The following SLCO4C1 variants were observed in gnomAD, a reference collection of about 807,000 sequenced individuals.
The protein encoded by SLCO4C1 is solute carrier organic anion transporter family member 4C1.
Under a neutral mutation model 72.1 loss-of-function variants are expected in SLCO4C1, and 58 were observed. The observed-to-expected ratio is 0.80, with a 90% CI of 0.65 to 1.00. SLCO4C1 has a LOEUF of 1.00. Ranked by LOEUF, SLCO4C1 falls within the 50% of genes least tolerant of loss-of-function variation. The pLI is 0.00. For synonymous variants in SLCO4C1, 297 were observed against 312.5 expected, an observed-to-expected ratio of 0.95 and a Z score of 0.52; for missense variants, 898 against 857.9, an observed-to-expected ratio of 1.05 and a Z score of -0.58.
chr5:102,291,485 A>C lies in SLCO4C1; in HGVS notation c.477T>G (p.Ser159=), dbSNP rs772832417. ...TTTCACCAAAGAATGATACAAATAA[A>C]GACAACAAACAGAATGAAATATCGT... ...SSYDISFCLL[S]LFVSFFGERG... The change falls in exon 2 of 13, where the codon TCT becomes TCG. Residue 159 remains serine (S), a synonymous_variant. Transcript: ENST00000310954. The C allele has an allele frequency of 1.2e-6, 2 of 1,614,078 alleles. No homozygotes were observed. The highest frequency in any genetic ancestry group is 2.7e-5 in the African/African-American group (2 of 74,942).
chr5:102,244,310 A>C (rs1322002882), intron 10 of SLCO4C1, among the ~76,000 whole-genome samples: 1 of 152,222 alleles, frequency 6.6e-6, no homozygotes, highest in Admixed American at 6.5e-5. Context: ...AGTGAGACTG[A>C]AAACAAGCTT....
At chr5:102,248,535 T>C (rs749290625) in intron 9 of SLCO4C1, among the ~76,000 whole-genome samples, 1 of 152,154 alleles carries the variant, frequency 6.6e-6, no homozygotes, top group Non-Finnish European at 1.5e-5. Context: ...GTTGTTCCCT[T>C]GTGCAGGATG....
At chr5:102,240,587 G>C in intron 11 of SLCO4C1, 131 bp downstream of exon 11, 5 of 677,958 alleles carry the variant, frequency 7.4e-6, no homozygotes, top group Non-Finnish European at 1.3e-5. Context: ...TTGGAAAATG[G>C]CTTCCTTCAA....
chr5:102,274,052 T>A (rs998862952), intron 2 of SLCO4C1, among the ~76,000 whole-genome samples: 2 of 152,090 alleles, frequency 1.3e-5, no homozygotes, highest in African/African-American at 4.8e-5. Context: ...TACATAGCAT[T>A]TACACGACAT....
chr5:102,291,695 T>C, intron 1 of SLCO4C1, 89 bp from the exon 2 acceptor site: 4 of 1,156,626 alleles, frequency 3.5e-6, no homozygotes, highest in Non-Finnish European at 4.6e-6. Context: ...TGATTATTCA[T>C]TTCTTTTTTT....
chr5:102,242,981 G>A (rs1260239332), intron 10 of SLCO4C1, among the ~76,000 whole-genome samples: 2 of 152,134 alleles, frequency 1.3e-5, no homozygotes, highest in African/African-American at 4.8e-5. Context: ...TGCCCTGAAG[G>A]GTGAGTCCCA....
At chr5:102,284,248 G>C (rs1749408318) in intron 2 of SLCO4C1, among the ~76,000 whole-genome samples, 1 of 152,040 alleles carries the variant, frequency 6.6e-6, no homozygotes, top group South Asian at 2.1e-4. Context: ...GTCTTCTGTG[G>C]AAGGACAAGG....
At chr5:102,278,928 C>A in intron 2 of SLCO4C1, among the ~76,000 whole-genome samples, 1 of 150,054 alleles carries the variant, frequency 6.7e-6, no homozygotes, top group South Asian at 2.2e-4. Flanking sequence ...TTCCATGTCA[C>A]CCACCTAGAG....
At chr5:102,272,985 A>G (rs1749181341) in intron 2 of SLCO4C1, among the ~76,000 whole-genome samples, 1 of 126,698 alleles carries the variant, frequency 7.9e-6, no homozygotes, top group South Asian at 2.5e-4. Flanking sequence ...AGTGAAATAG[A>G]GAAAGAAAAG....
At chr5:102,279,724 T>C (rs1056070819) in intron 2 of SLCO4C1, among the ~76,000 whole-genome samples, 9 of 151,966 alleles carry the variant, frequency 5.9e-5, no homozygotes, top group African/African-American at 1.9e-4. Flanking sequence ...TTGTACACCA[T>C]TGCCAGGTGA....
chr5:102,291,177 C>T (rs1041355451), intron 2 of SLCO4C1, among the ~76,000 whole-genome samples, 166 bp downstream of exon 2: 4 of 152,200 alleles, frequency 2.6e-5, no homozygotes, highest in African/African-American at 9.6e-5. Context: ...TGTACAGTCT[C>T]TCTAATCTCC....
At chr5:102,267,956 C>T (rs1388661396) in intron 3 of SLCO4C1, among the ~76,000 whole-genome samples, 3 of 151,986 alleles carry the variant, frequency 2.0e-5, no homozygotes, top group Non-Finnish European at 2.9e-5. Context: ...AGAGAATATA[C>T]CTGATATATT....
In SLCO4C1 at chr5:102,236,546, A is replaced by G. The variant is rs1256194327; in HGVS notation, c.*312T>C. 2 of 178,464 alleles carry G rather than the reference A, an allele frequency of 1.1e-5. No homozygotes were observed. Among genetic ancestry groups the G allele is most frequent in the African/African-American group, 4.7e-5 (2 of 42,188 alleles). 11.1% of individuals were successfully genotyped at this position (178,464 alleles called of 1,614,324 possible). A position where few individuals can be genotyped will look rare whatever the true frequency, so the allele number is the denominator to read the frequency against. On this transcript the variant is annotated 3_prime_UTR_variant, in exon 13 of 13. Coordinates refer to ENST00000310954, the MANE Select transcript of SLCO4C1 (RefSeq NM_180991.5). ...GTTATTGCTTGAGGATTTCATACCT[A>G]GACAATGGGAATAGGAAATAAGTGT...
chr5:102,266,102 C>A (rs895046456), intron 3 of SLCO4C1, among the ~76,000 whole-genome samples: 4 of 151,994 alleles, frequency 2.6e-5, no homozygotes, highest in African/African-American at 9.7e-5. Flanking sequence ...TATTTTTCAA[C>A]TAGTTCATCA....
At chr5:102,272,531 A>G (rs1260892566) in intron 2 of SLCO4C1, among the ~76,000 whole-genome samples, 1 of 152,076 alleles carries the variant, frequency 6.6e-6, no homozygotes, top group Non-Finnish European at 1.5e-5. Flanking sequence ...CTAGTAAGGG[A>G]GAACAGTCTC....
At chr5:102,276,002 C>G (rs1749240069) in intron 2 of SLCO4C1, among the ~76,000 whole-genome samples, 1 of 152,130 alleles carries the variant, frequency 6.6e-6, no homozygotes, top group Non-Finnish European at 1.5e-5. Flanking sequence ...TGGCACACAG[C>G]CACTCCAAAC....
At chr5:102,287,614 A>G (rs2112399636) in intron 2 of SLCO4C1, among the ~76,000 whole-genome samples, 1 of 138,402 alleles carries the variant, frequency 7.2e-6, no homozygotes, top group South Asian at 2.2e-4. Context: ...GTACGGTTTC[A>G]GCTCACTGCA....
At chr5:102,284,989 T>C (rs999644672) in intron 2 of SLCO4C1, among the ~76,000 whole-genome samples, 1 of 152,112 alleles carries the variant, frequency 6.6e-6, no homozygotes, top group African/African-American at 2.4e-5. Flanking sequence ...AAAGCAATAA[T>C]CTGGAAAGGA....
rs762418209 is a variant in SLCO4C1 at position 102,239,233 on chromosome 5, C to G, written c.2014+18G>C. 36 of 1,530,772 alleles carry G rather than the reference C, an allele frequency of 2.4e-5. No homozygotes were observed. The highest frequency in any genetic ancestry group is 3.0e-5 in the Non-Finnish European group (34 of 1,145,224). 94.8% of individuals were successfully genotyped at this position (1,530,772 alleles called of 1,614,324 possible). On this transcript the variant is annotated intron_variant, in intron 12 of 12. Transcript: ENST00000310954. ...CATCCTTAGTTTACTCTAAAATTATCAAGAAGTCACCACTTACTTATGGCT... is the reference window on the plus strand; with the variant it reads ...CATCCTTAGTTTACTCTAAAATTATGAAGAAGTCACCACTTACTTATGGCT...
Sources: allele counts gnomAD v4.1 joint callset (sites outside exome capture counted in the v4.1 genomes callset), GRCh38; gene constraint gnomAD v4.1.1; transcripts MANE v1.5; gene names NCBI Gene and HGNC (gene_info 2026-07-23, HGNC 2026-07-21).